The following MAN1A2 variants were observed in gnomAD, a reference collection of about 807,000 sequenced individuals.
The protein encoded by MAN1A2 is mannosidase alpha class 1A member 2.
In MAN1A2, 26 loss-of-function variants were observed where a neutral mutation model predicts 75.7. The ratio of observed to expected loss-of-function variants is 0.34; its 90% CI spans 0.25 to 0.48. The LOEUF is 0.48. Ranked by LOEUF, MAN1A2 falls within the 20% of genes least tolerant of loss-of-function variation. The probability of loss-of-function intolerance (pLI) is 0.99; values close to 1 mark genes in which losing one functional copy is unlikely to be tolerated. For missense variants in MAN1A2, 562 were observed against 775.5 expected, an observed-to-expected ratio of 0.72 and a Z score of 3.27; for synonymous variants, 247 against 264.6, an observed-to-expected ratio of 0.93 and a Z score of 0.65.
At chr1:117,512,291 A>G (rs1651560542) in intron 12 of MAN1A2, among the ~76,000 whole-genome samples, 1 of 152,126 alleles carries the variant, frequency 6.6e-6, no homozygotes, top group Non-Finnish European at 1.5e-5. Flanking sequence ...AAACAGTACC[A>G]ACTAATTGTT....
intron 6 of MAN1A2, among the ~76,000 whole-genome samples, chr1:117,446,345 A>C (rs1462208641): frequency 6.6e-6 from 1 of 151,728 alleles, no homozygotes; most frequent in African/African-American, 2.4e-5. Flanking sequence ...CTGGCTCCTT[A>C]CATTGGAACT....
At chr1:117,497,005 T>C in intron 10 of MAN1A2, 23 bp downstream of exon 10, 1 of 1,562,472 alleles carries the variant, frequency 6.4e-7, no homozygotes. Flanking sequence ...ATAAGGCTAA[T>C]TATATAGTCT....
At chr1:117,507,443 T>C (rs1400097066) in intron 12 of MAN1A2, among the ~76,000 whole-genome samples, 2 of 151,656 alleles carry the variant, frequency 1.3e-5, no homozygotes, top group African/African-American at 4.8e-5. Flanking sequence ...CTCAGTAAGT[T>C]TTTGGAACAT....
At chr1:117,472,707 G>A (rs1650198551) in intron 8 of MAN1A2, among the ~76,000 whole-genome samples, 1 of 151,716 alleles carries the variant, frequency 6.6e-6, no homozygotes, top group Non-Finnish European at 1.5e-5. Context: ...TTTTCTCCTA[G>A]CCTCTTAGTG....
At chr1:117,511,831 T>G (rs1304362911) in intron 12 of MAN1A2, among the ~76,000 whole-genome samples, 1 of 152,128 alleles carries the variant, frequency 6.6e-6, no homozygotes, top group Admixed American at 6.6e-5. Flanking sequence ...ATAATTTTCT[T>G]AAGCATTCCC....
chr1:117,403,186 A>G (rs559497062), intron 2 of MAN1A2, among the ~76,000 whole-genome samples: 1 of 152,358 alleles, frequency 6.6e-6, no homozygotes, highest in African/African-American at 2.4e-5. Context: ...AGGTTTAATT[A>G]TTATAAAGTA....
intron 5 of MAN1A2, among the ~76,000 whole-genome samples, chr1:117,433,802 A>G (rs1247737624): frequency 6.6e-6 from 1 of 152,176 alleles, no homozygotes; most frequent in Non-Finnish European, 1.5e-5. Flanking sequence ...TGGAAATGAG[A>G]TGAACTTGCC....
At chr1:117,368,609 GTTAC>G in intron 1 of MAN1A2, 124 bp downstream of exon 1, 1 of 848,338 alleles carries the variant, frequency 1.2e-6, no homozygotes. Flanking sequence ...ATATTGTATT[GTTAC>G]TTCAAGACTG....
At chr1:117,429,557 C>T (rs1354441489) in intron 5 of MAN1A2, among the ~76,000 whole-genome samples, 11 of 82,646 alleles carry the variant, frequency 1.3e-4, no homozygotes, top group South Asian at 9.2e-4. Flanking sequence ...CCCTCCCGGA[C>T]GGGGCGGCTG....
intron 5 of MAN1A2, among the ~76,000 whole-genome samples, chr1:117,425,532 C>A (rs1268895409): frequency 6.6e-6 from 1 of 152,158 alleles, no homozygotes; most frequent in African/African-American, 2.4e-5. Flanking sequence ...CCCAAGAATG[C>A]AAGGCTGGTT....
At chr1:117,405,972 T>C (rs1647601600) in intron 3 of MAN1A2, among the ~76,000 whole-genome samples, 1 of 152,144 alleles carries the variant, frequency 6.6e-6, no homozygotes, top group Non-Finnish European at 1.5e-5. Flanking sequence ...ATACCTATTC[T>C]GATATTCACA....
intron 12 of MAN1A2, among the ~76,000 whole-genome samples, chr1:117,507,585 T>C (rs1651410979): frequency 6.6e-6 from 1 of 151,768 alleles, no homozygotes; most frequent in Admixed American, 6.6e-5. Context: ...CAAGATTAAA[T>C]GTATAGACTG....
At chr1:117,458,524 T>TAA (rs373076182) in intron 6 of MAN1A2, among the ~76,000 whole-genome samples, 8,103 of 70,448 alleles carry the variant, frequency 0.12, 397 homozygotes, top group East Asian at 0.2. Context: ...TATATATATA[T>TAA]TTTTTTTTTT....
chr1:117,442,086 C>A, intron 5 of MAN1A2, 145 bp from the exon 6 acceptor site: 1 of 451,032 alleles, frequency 2.2e-6, no homozygotes, highest in Non-Finnish European at 3.9e-6. Flanking sequence ...TTGCCAAATG[C>A]TGCCTGGTAC....
At chr1:117,369,843 A>G (rs985285403) in intron 1 of MAN1A2, among the ~76,000 whole-genome samples, 4 of 152,228 alleles carry the variant, frequency 2.6e-5, no homozygotes, top group African/African-American at 7.2e-5. Context: ...CTTATTTCGC[A>G]TGGTATTTGT....
intron 5 of MAN1A2, among the ~76,000 whole-genome samples, chr1:117,423,599 AGTT>A (rs773828086): frequency 1.3e-5 from 2 of 151,942 alleles, no homozygotes; most frequent in Non-Finnish European, 2.9e-5. Flanking sequence ...TGTTTTTGGT[AGTT>A]CTGTATTTTA....
intron 12 of MAN1A2, among the ~76,000 whole-genome samples, chr1:117,516,109 AAATATT>A (rs1233756511): frequency 6.6e-6 from 1 of 152,104 alleles, no homozygotes; most frequent in African/African-American, 2.4e-5. Flanking sequence ...ATTATTCCTA[AAATATT>A]AATATTAATT....
At chr1:117,384,367 G>A (rs1346745050) in intron 1 of MAN1A2, among the ~76,000 whole-genome samples, 1 of 151,960 alleles carries the variant, frequency 6.6e-6, no homozygotes, top group African/African-American at 2.4e-5. Flanking sequence ...TTGACATGTT[G>A]GTTAAGAGTG....
intron 3 of MAN1A2, among the ~76,000 whole-genome samples, chr1:117,411,380 A>G (rs1418281931): frequency 6.6e-6 from 1 of 151,766 alleles, no homozygotes; most frequent in African/African-American, 2.4e-5. Flanking sequence ...GTATATTTGT[A>G]TGGGAAAAGA....
Sources: allele counts gnomAD v4.1 joint callset (sites outside exome capture counted in the v4.1 genomes callset), GRCh38; gene constraint gnomAD v4.1.1; transcripts MANE v1.5; gene names NCBI Gene and HGNC (gene_info 2026-07-23, HGNC 2026-07-21).